Variants in FGF8 observed in about 807,000 individuals in gnomAD.
The protein encoded by FGF8 is fibroblast growth factor 8, also known as androgen-induced growth factor.
A neutral mutation model predicts 29.7 loss-of-function variants in FGF8; 12 were observed. The ratio of observed to expected loss-of-function variants is 0.40; its 90% CI spans 0.26 to 0.65. The LOEUF (loss-of-function observed/expected upper bound fraction) is 0.65, where lower values mean the gene tolerates loss of function less well. Ranked by LOEUF, FGF8 falls within the 30% of genes least tolerant of loss-of-function variation. FGF8 has a pLI of 0.37. For missense variants in FGF8, 271 were observed against 345.1 expected, an observed-to-expected ratio of 0.79 and a Z score of 1.70; for synonymous variants, 157 against 144.4, an observed-to-expected ratio of 1.09 and a Z score of -0.63.
Position 101,772,062 on chromosome 10 carries a change from G to T in FGF8, c.338-493C>A, listed in dbSNP as rs1341017845. ...TCCCAAGGCCAAAGATGAAAGCATT[G>T]TCTCCTGTTTCTGCCACTTTGGGTT... On this transcript the variant is annotated intron_variant, in intron 4 of 5. Transcript: ENST00000320185. The surrounding 1 kb of genome is among the most constrained non-coding windows in gnomAD (Gnocchi z 4.4). 6.6e-6 allele frequency among the ~76,000 whole-genome samples: 1 copy of T among 152,220 alleles called. No homozygotes were observed. Among genetic ancestry groups the T allele is most frequent in the East Asian group, 1.9e-4 (1 of 5,198 alleles).
upstream of FGF8, among the ~76,000 whole-genome samples, chr10:101,778,909 C>T (rs2065118047): frequency 6.6e-6 from 1 of 152,348 alleles, no homozygotes; most frequent in East Asian, 1.9e-4. Context: ...GCAATCAGAG[C>T]TCCCTGGCCC....
chr10:101,770,628 A>G lies in FGF8; in HGVS notation c.445-9T>C, dbSNP rs1362915358. On this transcript the variant is annotated splice_polypyrimidine_tract_variant and intron_variant, in intron 5 of 5. Transcript: ENST00000320185. ...TTGCCTTTGCCGTTGCTCTGCAGGTAGGGGAGCCAGACACCACGTTACAGA... is the reference window on the plus strand; with the variant it reads ...TTGCCTTTGCCGTTGCTCTGCAGGTGGGGGAGCCAGACACCACGTTACAGA... The G allele has an allele frequency of 2.5e-6, 4 of 1,606,566 alleles. No homozygotes were observed. The African/African-American group carries it at 5.3e-5, about 21-fold the overall frequency.
Position 101,775,711 on chromosome 10 carries a change from G to A in FGF8, c.69+29C>T, listed in dbSNP as rs2065079672. Reference sequence around the variant, plus strand: ...ACCCGGGTCTCACACCGGCGCGCCCGGCCCCCGCCTCCGCGCACCCCTCCT... The same window carrying A: ...ACCCGGGTCTCACACCGGCGCGCCCAGCCCCCGCCTCCGCGCACCCCTCCT... On this transcript the variant is annotated intron_variant, in intron 2 of 5. Coordinates refer to ENST00000320185, the MANE Select transcript of FGF8 (RefSeq NM_033163.5). The surrounding 1 kb of genome is among the most constrained non-coding windows in gnomAD (Gnocchi z 4.6). The A allele has an allele frequency of 6.5e-7, 1 of 1,541,044 alleles. No individual in the cohort carries two copies. The highest frequency in any genetic ancestry group is 8.7e-7 in the Non-Finnish European group (1 of 1,144,626).
Position 101,775,667 on chromosome 10 carries a change from C to T in FGF8, c.69+73G>A. On this transcript the variant is annotated intron_variant, in intron 2 of 5. Transcript: ENST00000320185. This position sits in a 1 kb window ranked among gnomAD's most constrained non-coding sequence, Gnocchi z 4.6. ...GCCGGCCGCAGAGTCAGTCCCGGTGCCCCCGACCGGCGCTGCCCACCCGGG... is the reference window on the plus strand; with the variant it reads ...GCCGGCCGCAGAGTCAGTCCCGGTGTCCCCGACCGGCGCTGCCCACCCGGG... 2 of 1,499,724 alleles carry T rather than the reference C, an allele frequency of 1.3e-6. No homozygotes were observed. The highest frequency in any genetic ancestry group is 9.0e-7 in the Non-Finnish European group (1 of 1,114,022). The allele number at this position is 1,499,724 out of a possible 1,614,324, so 92.9% of individuals were successfully genotyped here.
In FGF8 at chr10:101,775,508, C is replaced by T. The variant is rs1399285361; in HGVS notation, c.69+232G>A. 6 of 610,274 alleles carry T rather than the reference C, an allele frequency of 9.8e-6. No homozygotes were observed. In the Admixed American group the frequency reaches 1.8e-4, roughly 18 times the overall value. The allele number at this position is 610,274 out of a possible 1,614,324, so 37.8% of individuals were successfully genotyped here. On this transcript the variant is annotated intron_variant, in intron 2 of 5. Transcript: ENST00000320185. This position sits in a 1 kb window ranked among gnomAD's most constrained non-coding sequence, Gnocchi z 4.6. ...AGGATGCATGGGGGACAGTGCTGGG[C>T]TCCGAGACCTTCGTTTCTATCCTGG...
rs767513127 is a variant in FGF8, at chr10:101,770,363, C to T, written c.701G>A (p.Gly234Asp). ...CTCGGGGGCCCAAGTCCTCTGGCTG[C>T]CGCGCAGGCTGCGCGTGAAGGGCGG... ...NYPPFTRSLR[G>D]SQRTWAPEPR Residue 234 changes from glycine to aspartate, a missense_variant, in exon 6 of 6, where the codon GGC (glycine) becomes GAC (aspartate). Transcript: ENST00000320185. The T allele has an allele frequency of 1.3e-6, 2 of 1,599,368 alleles. No individual in the cohort carries two copies. Among genetic ancestry groups the T allele is most frequent in the South Asian group, 1.1e-5 (1 of 88,718 alleles).
Position 101,776,068 on chromosome 10 carries a change from C to G in FGF8, c.-168G>C, listed in dbSNP as rs1162542809. Reference sequence around the variant, plus strand: ...CCGTGGAACGTCGTGCTCGCCGCGCCGCACCGAATCGCTGTGCGCCGCTGC... The same window carrying G: ...CCGTGGAACGTCGTGCTCGCCGCGCGGCACCGAATCGCTGTGCGCCGCTGC... On this transcript the variant is annotated 5_prime_UTR_variant, in exon 1 of 6. Coordinates refer to ENST00000320185, the MANE Select transcript of FGF8 (RefSeq NM_033163.5). 4.1e-6 allele frequency: 1 copy of G among 245,330 alleles called. No individual in the cohort carries two copies. The highest frequency in any genetic ancestry group is 1.2e-4 in the East Asian group (1 of 8,626). 15.2% of individuals were successfully genotyped at this position (245,330 alleles called of 1,614,324 possible). A position where few individuals can be genotyped will look rare whatever the true frequency, so the allele number is the denominator to read the frequency against.
In FGF8 at chr10:101,775,265, C is replaced by G; in HGVS notation, c.70-49G>C. On this transcript the variant is annotated intron_variant, in intron 2 of 5. Transcript: ENST00000320185. The surrounding 1 kb of genome is among the most constrained non-coding windows in gnomAD (Gnocchi z 4.6). Reference sequence around the variant, plus strand: ...GTAGGGAGGCAGCCCTCCCCGACCCCTGACATTTATAAAGACAAATTTACG... The same window carrying G: ...GTAGGGAGGCAGCCCTCCCCGACCCGTGACATTTATAAAGACAAATTTACG... 1 of 1,288,678 alleles carries G rather than the reference C, an allele frequency of 7.8e-7. No homozygotes were observed. Among genetic ancestry groups the G allele is most frequent in the Non-Finnish European group, 1.1e-6 (1 of 914,808 alleles). The allele number at this position is 1,288,678 out of a possible 1,614,324, so 79.8% of individuals were successfully genotyped here.
At chr10:101,779,075 C>A (rs1036853303), upstream of FGF8, among the ~76,000 whole-genome samples, 5 of 152,100 alleles carry the variant, frequency 3.3e-5, no homozygotes, top group Non-Finnish European at 7.3e-5. This position sits in a 1 kb window ranked among gnomAD's most constrained non-coding sequence, Gnocchi z 5.7. Flanking sequence ...CACAAACGGC[C>A]CATCTCCGCA....
intron 5 of FGF8, 26 bp from the exon 6 acceptor site, chr10:101,770,645 C>G: frequency 4.4e-6 from 7 of 1,603,590 alleles, no homozygotes; most frequent in Non-Finnish European, 5.9e-6. Context: ...CCAGACACCA[C>G]GTTACAGAGC....
At chr10:101,776,628 G>A (rs371264416), upstream of FGF8, among the ~76,000 whole-genome samples, 14 of 152,092 alleles carry the variant, frequency 9.2e-5, no homozygotes, top group Admixed American at 7.8e-4. Context: ...GTGTCCCGCC[G>A]GGCCCCTGGG....
At chr10:101,773,289 G>C (rs2065047634) in intron 4 of FGF8, among the ~76,000 whole-genome samples, 2 of 152,130 alleles carry the variant, frequency 1.3e-5, no homozygotes, top group African/African-American at 4.8e-5. Flanking sequence ...AAGGATGCTG[G>C]GCCATTTGCT....
rs1589809142 is a variant in FGF8 at position 101,770,239 on chromosome 10, G to A, written c.*90C>T. The stretch of plus-strand genomic sequence containing the variant: ...CCCCAGCACCTCCCCAGCCTGCAGA[G>A]CAGCGCACAGCTCATCTTGCTTGAG... On this transcript the variant is annotated 3_prime_UTR_variant, in exon 6 of 6. Transcript: ENST00000320185. The A allele has an allele frequency of 7.7e-7, 1 of 1,303,482 alleles. No individual in the cohort carries two copies. Among genetic ancestry groups the A allele is most frequent in the East Asian group, 2.5e-5 (1 of 39,458 alleles). The allele number at this position is 1,303,482 out of a possible 1,614,324, so 80.7% of individuals were successfully genotyped here.
At chr10:101,780,209 G>A (rs1048083216), upstream of FGF8, 1 of 152,320 alleles carries the variant, frequency 6.6e-6, no homozygotes, top group Non-Finnish European at 1.5e-5. Flanking sequence ...CTGCGACCCA[G>A]ATCACCGCAA....
upstream of FGF8, among the ~76,000 whole-genome samples, chr10:101,777,015 C>T (rs1228795867): frequency 6.6e-6 from 1 of 152,196 alleles, no homozygotes; most frequent in South Asian, 2.1e-4. Context: ...CTCTCAGTAG[C>T]TTTTACTGGG....
upstream of FGF8, among the ~76,000 whole-genome samples, chr10:101,776,603 C>T (rs2065098371): frequency 6.6e-6 from 1 of 152,074 alleles, no homozygotes; most frequent in Admixed American, 6.5e-5. Context: ...CAGTGGTCTC[C>T]GAGCCACCTA....
upstream of FGF8, among the ~76,000 whole-genome samples, chr10:101,776,313 G>A (rs1376758451): frequency 6.7e-6 from 1 of 149,034 alleles, no homozygotes; most frequent in Non-Finnish European, 1.5e-5. Flanking sequence ...GGCCGGGGAG[G>A]GGCGGCCGAC....
intron 4 of FGF8, among the ~76,000 whole-genome samples, chr10:101,774,250 G>A (rs1421104717): frequency 6.6e-6 from 1 of 152,200 alleles, no homozygotes; most frequent in Non-Finnish European, 1.5e-5. Flanking sequence ...AGCAGGGAGA[G>A]CCCCCTTCCA....
chr10:101,777,176 C>A (rs1272498398), upstream of FGF8, among the ~76,000 whole-genome samples: 1 of 152,176 alleles, frequency 6.6e-6, no homozygotes, highest in Non-Finnish European at 1.5e-5. Context: ...CTTGTCTAAG[C>A]CTTTCCTAGC....
Sources: allele counts gnomAD v4.1 joint callset (sites outside exome capture counted in the v4.1 genomes callset), GRCh38; gene constraint gnomAD v4.1.1; non-coding constraint Gnocchi (gnomAD v3.1); transcripts MANE v1.5; gene names NCBI Gene and HGNC (gene_info 2026-07-23, HGNC 2026-07-21).